The following MECOM variants were observed in gnomAD, a reference collection of about 807,000 sequenced individuals.
The protein encoded by MECOM is MDS1 and EVI1 complex locus.
Under a neutral mutation model 116.3 loss-of-function variants are expected in MECOM, and 13 were observed. That is an observed-to-expected ratio of 0.11 (90% CI 0.07 to 0.18). The LOEUF is 0.18. Among genes scored for constraint, MECOM ranks in the 10% least tolerant of loss-of-function variants. The probability of loss-of-function intolerance (pLI) is 1.00; values close to 1 mark genes in which losing one functional copy is unlikely to be tolerated. For synonymous variants in MECOM, 528 were observed against 535.2 expected (o/e 0.99, Z 0.19); for missense variants, 1,299 against 1,509.0 (o/e 0.86, Z 2.31).
At chr3:169,561,664 T>C (rs1385836965) in intron 1 of MECOM, among the ~76,000 whole-genome samples, 2 of 152,146 alleles carry the variant, frequency 1.3e-5, no homozygotes, top group South Asian at 2.1e-4. Flanking sequence ...GGGTTGTGAA[T>C]CCAGAGGACC....
chr3:169,211,705 T>C (rs1750753747), intron 2 of MECOM, among the ~76,000 whole-genome samples: 2 of 152,258 alleles, frequency 1.3e-5, no homozygotes, highest in South Asian at 4.1e-4. Context: ...CTTTCTGCAC[T>C]GTCTTATTGA....
intron 1 of MECOM, among the ~76,000 whole-genome samples, chr3:169,662,296 G>C (rs944742669): frequency 6.6e-6 from 1 of 152,190 alleles, no homozygotes; most frequent in Admixed American, 6.5e-5. Flanking sequence ...CAGACGAAGC[G>C]CCGGAGGCTG....
intron 1 of MECOM, among the ~76,000 whole-genome samples, chr3:169,433,951 T>A (rs759541394): frequency 6.6e-6 from 1 of 152,002 alleles, no homozygotes; most frequent in African/African-American, 2.4e-5. Context: ...TCTGAATTCA[T>A]CTGGGAAAAA....
intron 2 of MECOM, among the ~76,000 whole-genome samples, chr3:169,287,845 A>G (rs955215673): frequency 1.3e-5 from 2 of 152,150 alleles, no homozygotes; most frequent in African/African-American, 4.8e-5. Context: ...TAAAATGTTA[A>G]TGGACATGCA....
intron 1 of MECOM, among the ~76,000 whole-genome samples, chr3:169,608,371 G>A (rs1241415861): frequency 6.6e-6 from 1 of 152,164 alleles, no homozygotes; most frequent in African/African-American, 2.4e-5. Flanking sequence ...CAGCCAATTC[G>A]GGCAGCTGAT....
In MECOM at chr3:169,107,912, A is replaced by C; in HGVS notation, c.2604+14T>G. On this transcript the variant is annotated intron_variant, in intron 10 of 16. Transcript: ENST00000651503. ...CTACATCACTTTAGTCAAAAATATA[A>C]GTAGGAAACTTACCCAAGTTCTCTG... 6.2e-7 allele frequency: 1 copy of C among 1,609,592 alleles called. No individual in the cohort carries two copies. Among genetic ancestry groups the C allele is most frequent in the Non-Finnish European group, 8.5e-7 (1 of 1,177,740 alleles).
Position 169,503,363 on chromosome 3 carries a change from T to A in MECOM, c.38-121839A>T, listed in dbSNP as rs559706768. ...ACAACTAGAACTGCATAAATCATAA[T>A]CAATAGAAAAACTAAATTTATCTCT... is the stretch of plus-strand genomic sequence containing the variant. On this transcript the variant is annotated intron_variant, in intron 1 of 16. Coordinates refer to ENST00000651503, the MANE Select transcript of MECOM (RefSeq NM_004991.4). Among the ~76,000 whole-genome samples the A allele has an allele frequency of 2.6e-5, 4 of 152,216 alleles. No individual in the cohort carries two copies. In the East Asian group the frequency reaches 7.7e-4, roughly 29 times the overall value.
At chr3:169,183,248 T>G (rs1052949865) in intron 2 of MECOM, among the ~76,000 whole-genome samples, 1 of 152,188 alleles carries the variant, frequency 6.6e-6, no homozygotes, top group Non-Finnish European at 1.5e-5. Context: ...CTGGACTCCA[T>G]GGAATGAAGA....
rs907114932 is a variant in MECOM at position 169,611,997 on chromosome 3, T to C, written c.37+51339A>G. Among the ~76,000 whole-genome samples the C allele has an allele frequency of 7.2e-5, 11 of 152,290 alleles. No individual in the cohort carries two copies. Among genetic ancestry groups the C allele is most frequent in the African/African-American group, 2.2e-4 (9 of 41,570 alleles). On this transcript the variant is annotated intron_variant, in intron 1 of 16. Transcript: ENST00000651503. This position sits in a 1 kb window ranked among gnomAD's most constrained non-coding sequence, Gnocchi z 4.1. The stretch of plus-strand genomic sequence containing the variant: ...CCGTGCATTATAAAATATTGAGCAG[T>C]GTGTCCCTGGCCTCTACCCAGTAGG...
chr3:169,293,762 A>G (rs1715063386), intron 2 of MECOM, among the ~76,000 whole-genome samples: 1 of 152,240 alleles, frequency 6.6e-6, no homozygotes, highest in Admixed American at 6.5e-5. Context: ...TAGATTTCAG[A>G]ATAGTGCCTG....
intron 1 of MECOM, among the ~76,000 whole-genome samples, chr3:169,591,866 C>T (rs1321136735): frequency 6.6e-6 from 1 of 151,518 alleles, no homozygotes; most frequent in Non-Finnish European, 1.5e-5. Flanking sequence ...TTTTTACATC[C>T]TAGGAGATGG....
chr3:169,485,461 A>G (rs1357049784), intron 1 of MECOM, among the ~76,000 whole-genome samples: 1 of 152,204 alleles, frequency 6.6e-6, no homozygotes, highest in Non-Finnish European at 1.5e-5. Flanking sequence ...GACATTCATT[A>G]ACTTAAATTT....
intron 2 of MECOM, among the ~76,000 whole-genome samples, chr3:169,300,717 C>G (rs1282611456): frequency 1.3e-5 from 2 of 152,174 alleles, no homozygotes; most frequent in African/African-American, 4.8e-5. Context: ...TCTTTGGAAG[C>G]TTTCTAGTTC....
intron 1 of MECOM, among the ~76,000 whole-genome samples, chr3:169,657,826 A>G (rs759621115): frequency 1.3e-5 from 2 of 152,220 alleles, no homozygotes; most frequent in Admixed American, 6.5e-5. Flanking sequence ...ACATCTCTGA[A>G]GTTTCTTGTA....
intron 1 of MECOM, among the ~76,000 whole-genome samples, chr3:169,404,535 AAGTAT>A (rs1736366688): frequency 6.6e-6 from 1 of 152,246 alleles, no homozygotes; most frequent in African/African-American, 2.4e-5. Flanking sequence ...AAATCTTTAA[AAGTAT>A]AGTACAGTGA....
chr3:169,142,582 AATTG>A (rs1449852185), intron 3 of MECOM, among the ~76,000 whole-genome samples: 3 of 151,946 alleles, frequency 2.0e-5, no homozygotes, highest in Admixed American at 6.6e-5. Context: ...GAGAAAAAAC[AATTG>A]ATTGGTTTAT....
Position 169,090,210 on chromosome 3 carries a change from T to C in MECOM, c.3191A>G (p.Glu1064Gly). ...ATTTTGACTGGTCACCAAAGCCTTT[T>C]CATCTTTAAAATGACTGCCATTCAT... ...ERMNGSHFKD[E>G]KALVTSQNSD... The change falls in exon 15 of 17, where the codon GAA (glutamate) becomes GGA (glycine). Residue 1064 changes from glutamate to glycine, a missense_variant. This residue lies in a region of MECOM where 273 missense variants were observed against 289.3 expected (regional missense o/e 0.94). Coordinates refer to ENST00000651503, the MANE Select transcript of MECOM (RefSeq NM_004991.4). 6.2e-7 allele frequency: 1 copy of C among 1,611,568 alleles called. No individual in the cohort carries two copies. Among genetic ancestry groups the C allele is most frequent in the Non-Finnish European group, 8.5e-7 (1 of 1,179,166 alleles).
chr3:169,419,567 T>C (rs1739345713), intron 1 of MECOM, among the ~76,000 whole-genome samples: 1 of 150,820 alleles, frequency 6.6e-6, no homozygotes, highest in Non-Finnish European at 1.5e-5. Flanking sequence ...ATGGCACAGA[T>C]TGGTCTTACA....
intron 1 of MECOM, among the ~76,000 whole-genome samples, chr3:169,658,453 T>C (rs572886795): frequency 6.6e-6 from 1 of 152,266 alleles, no homozygotes; most frequent in Non-Finnish European, 1.5e-5. Context: ...AAGACGTGTG[T>C]GGGTGTGCAC....
Sources: gnomAD v4.1 joint callset for allele counts (sites outside exome capture counted in the v4.1 genomes callset) on GRCh38, gnomAD v4.1.1 for gene constraint, gnomAD v4.1.1 regional missense constraint, Gnocchi (gnomAD v3.1) non-coding constraint, MANE v1.5 for transcripts, NCBI Gene and HGNC (gene_info 2026-07-23, HGNC 2026-07-21) for gene names.